Variants in BRD10 observed in about 807,000 individuals in gnomAD.
BRD10 encodes the protein bromodomain containing 10.
the BRD10 span, among the ~76,000 whole-genome samples, chr9:5,964,149 C>G: frequency 6.6e-6 from 1 of 150,788 alleles, no homozygotes; most frequent in African/African-American, 2.4e-5. Context: ...TTTTCGCAAC[C>G]TACTCATCTG....
chr9:5,954,306 T>C, the BRD10 span, among the ~76,000 whole-genome samples: 1 of 152,220 alleles, frequency 6.6e-6, no homozygotes, highest in Non-Finnish European at 1.5e-5. Flanking sequence ...AATGCTGTTT[T>C]ATGTTTATAT....
At chr9:5,987,681 G>A in the BRD10 span, among the ~76,000 whole-genome samples, 1 of 152,166 alleles carries the variant, frequency 6.6e-6, no homozygotes, top group Admixed American at 6.5e-5. Context: ...GCATTAACAA[G>A]TCCTTATAAC....
chr9:6,000,139 A>G, the BRD10 span, among the ~76,000 whole-genome samples: 2,696 of 152,292 alleles, frequency 0.018, 45 homozygotes, highest in Non-Finnish European at 0.027. Flanking sequence ...AACAACTACT[A>G]ACATTTTCTT....
the BRD10 span, among the ~76,000 whole-genome samples, chr9:5,944,210 C>G: frequency 2.0e-5 from 3 of 151,964 alleles, no homozygotes; most frequent in African/African-American, 7.3e-5. Context: ...GTGCATAGCC[C>G]AACTATAAAT....
At chr9:5,925,241 C>T in the BRD10 span, among the ~76,000 whole-genome samples, 2 of 151,788 alleles carry the variant, frequency 1.3e-5, no homozygotes, top group South Asian at 2.1e-4. Context: ...CACCTGTAAT[C>T]CCAGCTATTC....
the BRD10 span, among the ~76,000 whole-genome samples, chr9:5,954,567 T>A: frequency 6.6e-6 from 1 of 152,212 alleles, no homozygotes; most frequent in Non-Finnish European, 1.5e-5. Context: ...TAACAAAGTT[T>A]TTCTACTCCT....
chr9:5,905,750 G>A, the BRD10 span, among the ~76,000 whole-genome samples: 7 of 152,250 alleles, frequency 4.6e-5, no homozygotes, highest in East Asian at 5.8e-4. Context: ...TATACCTTCC[G>A]TGTATTGATT....
chr9:5,935,908 A>G, the BRD10 span, among the ~76,000 whole-genome samples: 1 of 152,214 alleles, frequency 6.6e-6, no homozygotes, highest in South Asian at 2.1e-4. Flanking sequence ...AACTGATTAA[A>G]ATGTTCCTAA....
chr9:5,975,752 A>G, the BRD10 span, among the ~76,000 whole-genome samples: 1 of 152,212 alleles, frequency 6.6e-6, no homozygotes, highest in Admixed American at 6.5e-5. Context: ...ATGATTACCA[A>G]AAGAAGTTCT....
chr9:5,921,995 G>T, the BRD10 span: 1 of 1,613,970 alleles, frequency 6.2e-7, no homozygotes, highest in Non-Finnish European at 8.5e-7. Flanking sequence ...AGCTACAGGT[G>T]AAAAAGCAGA....
At chr9:5,947,370 T>C in the BRD10 span, among the ~76,000 whole-genome samples, 1 of 152,080 alleles carries the variant, frequency 6.6e-6, no homozygotes, top group Admixed American at 6.6e-5. Flanking sequence ...GAATTATAAA[T>C]CAACATGGCT....
At chr9:5,981,136 A>C in the BRD10 span, among the ~76,000 whole-genome samples, 26 of 152,356 alleles carry the variant, frequency 1.7e-4, no homozygotes, top group African/African-American at 6.0e-4. Context: ...ATCTGTATCA[A>C]TAGGCAACCT....
At chr9:5,931,602 T>C in the BRD10 span, among the ~76,000 whole-genome samples, 2 of 152,200 alleles carry the variant, frequency 1.3e-5, no homozygotes, top group Non-Finnish European at 2.9e-5. Context: ...TGTGGCCTTC[T>C]TCTCTTTCTT....
At chr9:6,007,820 C>A in the BRD10 span, 2 of 1,430,412 alleles carry the variant, frequency 1.4e-6, no homozygotes, top group Non-Finnish European at 1.8e-6. Flanking sequence ...CGGTGTGGAA[C>A]AGCCGCTCGA....
chr9:5,917,893 C>A, the BRD10 span, among the ~76,000 whole-genome samples: 1 of 152,272 alleles, frequency 6.6e-6, no homozygotes. Context: ...AGGTCCTTCA[C>A]TGGGATTAAA....
chr9:5,969,488 T>C, the BRD10 span: 1 of 1,208,552 alleles, frequency 8.3e-7, no homozygotes, highest in South Asian at 1.7e-5. Context: ...TACCATAAAA[T>C]GATAAATTTT....
chr9:5,903,342 C>T, the BRD10 span, among the ~76,000 whole-genome samples: 3 of 152,062 alleles, frequency 2.0e-5, no homozygotes, highest in Non-Finnish European at 4.4e-5. Context: ...TCTAGTTAAT[C>T]GAAGATTTTG....
the BRD10 span, among the ~76,000 whole-genome samples, chr9:5,946,833 G>A: frequency 1.3e-5 from 2 of 152,064 alleles, no homozygotes; most frequent in African/African-American, 2.4e-5. Flanking sequence ...AGAACTAAAT[G>A]AAAACATATA....
the BRD10 span, among the ~76,000 whole-genome samples, chr9:5,972,723 CT>C: frequency 1.5e-4 from 23 of 152,328 alleles, no homozygotes; most frequent in African/African-American, 4.8e-4. Flanking sequence ...TGGCCCCATG[CT>C]TCCTGTACAA....
Sources: allele counts gnomAD v4.1 joint callset (sites outside exome capture counted in the v4.1 genomes callset), GRCh38; gene constraint gnomAD v4.1.1; transcripts MANE v1.5; gene names NCBI Gene and HGNC (gene_info 2026-07-23, HGNC 2026-07-21).